SMOC1: variants seen among roughly 807,000 people sequenced by gnomAD.
The protein encoded by SMOC1 is SPARC related modular calcium binding 1.
SMOC1 carries 22 observed loss-of-function variants against 56.3 expected under a neutral mutation model. That is an observed-to-expected ratio of 0.39 (90% CI 0.28 to 0.56). SMOC1 has a LOEUF of 0.56. SMOC1 is among the 20% of genes least tolerant of loss of function. The probability of loss-of-function intolerance (pLI) is 0.61; values close to 1 mark genes in which losing one functional copy is unlikely to be tolerated. For missense variants in SMOC1, 509 were observed against 565.4 expected (o/e 0.90, Z 1.01); for synonymous variants, 193 against 215.0 (o/e 0.90, Z 0.89).
intron 3 of SMOC1, among the ~76,000 whole-genome samples, chr14:69,961,102 C>T (rs930396979): frequency 1.3e-5 from 2 of 151,798 alleles, no homozygotes; most frequent in African/African-American, 4.8e-5. Flanking sequence ...CACTAATCTA[C>T]TTTCTATTTC....
At chr14:69,908,531 G>T (rs920986472) in intron 1 of SMOC1, among the ~76,000 whole-genome samples, 8 of 152,138 alleles carry the variant, frequency 5.3e-5, no homozygotes, top group African/African-American at 1.4e-4. Context: ...GACTCTGGCC[G>T]CAGGACAGCC....
At chr14:69,886,131 C>G (rs967037609) in intron 1 of SMOC1, 1 of 1,515,226 alleles carries the variant, frequency 6.6e-7, no homozygotes, top group Non-Finnish European at 9.0e-7. Context: ...GCCTTCTTTC[C>G]TTTCGGCATC....
chr14:69,930,167 A>ACCCCTGACAGCACCCTTCCCACT (rs60231522), intron 1 of SMOC1, among the ~76,000 whole-genome samples: 4,271 of 136,422 alleles, frequency 0.031, 350 homozygotes, highest in African/African-American at 0.12. Context: ...CAGTGACTGT[A>ACCCCTGACAGCACCCTTCCCACT]CCCCTGACAG....
intron 7 of SMOC1, among the ~76,000 whole-genome samples, chr14:70,000,102 A>G (rs1186024790): frequency 1.3e-5 from 2 of 152,166 alleles, no homozygotes; most frequent in East Asian, 3.9e-4. Context: ...AGTCAACTAC[A>G]GTCTCTGCTT....
At chr14:69,999,966 T>C (rs551735565) in intron 7 of SMOC1, among the ~76,000 whole-genome samples, 2 of 149,710 alleles carry the variant, frequency 1.3e-5, no homozygotes, top group Admixed American at 1.3e-4. Flanking sequence ...GGTGAGTGTG[T>C]CTGCTTTTTA....
At chr14:70,015,887 TTA>T (rs1370509178) in intron 10 of SMOC1, among the ~76,000 whole-genome samples, 4 of 152,112 alleles carry the variant, frequency 2.6e-5, no homozygotes, top group Admixed American at 1.3e-4. Flanking sequence ...CATGAAAGAT[TTA>T]TGTTTTATGT....
chr14:69,933,352 GA>G (rs1416896458), intron 1 of SMOC1, among the ~76,000 whole-genome samples: 2 of 143,846 alleles, frequency 1.4e-5, no homozygotes, highest in Non-Finnish European at 3.1e-5. Context: ...GGCTGTTTCT[GA>G]AAAATGAAAG....
intron 7 of SMOC1, among the ~76,000 whole-genome samples, chr14:69,994,690 C>G (rs931566000): frequency 1.3e-5 from 2 of 152,130 alleles, no homozygotes; most frequent in African/African-American, 4.8e-5. Context: ...TTTCTTAGGT[C>G]GTTGATCCTC....
intron 1 of SMOC1, among the ~76,000 whole-genome samples, chr14:69,907,516 A>T (rs1884442206): frequency 6.6e-6 from 1 of 152,204 alleles, no homozygotes; most frequent in South Asian, 2.1e-4. Context: ...ATCCCACTTT[A>T]TCTTGTAATG....
At chr14:69,953,274 C>G (rs1243366149) in intron 2 of SMOC1, 146 bp from the exon 3 acceptor site, 2 of 733,022 alleles carry the variant, frequency 2.7e-6, no homozygotes, top group Non-Finnish European at 4.9e-6. Context: ...GCAGCAGTTA[C>G]TAGCCACGGC....
At chr14:69,937,294 C>T (rs1885320018) in intron 1 of SMOC1, among the ~76,000 whole-genome samples, 1 of 152,148 alleles carries the variant, frequency 6.6e-6, no homozygotes, top group South Asian at 2.1e-4. Flanking sequence ...GGAAATCTGA[C>T]CTTAAGGGTT....
intron 1 of SMOC1, among the ~76,000 whole-genome samples, chr14:69,926,177 A>G (rs879474765): frequency 5.9e-5 from 9 of 152,200 alleles, no homozygotes; most frequent in Non-Finnish European, 1.5e-5. Context: ...CTTTGTTTGA[A>G]GAACAAGAAG....
chr14:70,012,577 G>A (rs1014924141), intron 9 of SMOC1, among the ~76,000 whole-genome samples: 3 of 152,216 alleles, frequency 2.0e-5, no homozygotes, highest in African/African-American at 4.8e-5. Context: ...AGGATTTGGG[G>A]ACAGAAGAGA....
chr14:69,922,219 G>A (rs976528963), intron 1 of SMOC1, among the ~76,000 whole-genome samples: 20 of 152,236 alleles, frequency 1.3e-4, no homozygotes, highest in Non-Finnish European at 2.6e-4. Context: ...AATACTGCAG[G>A]CTGGGAGGAT....
At chr14:69,938,791 G>A (rs1473936663) in intron 1 of SMOC1, among the ~76,000 whole-genome samples, 1 of 152,230 alleles carries the variant, frequency 6.6e-6, no homozygotes. Context: ...ATGCAGAGCA[G>A]ATCCAGAGGG....
At chr14:69,930,595 G>A (rs1284151073) in intron 1 of SMOC1, among the ~76,000 whole-genome samples, 1 of 152,174 alleles carries the variant, frequency 6.6e-6, no homozygotes, top group South Asian at 2.1e-4. Flanking sequence ...GGTTTTAGGA[G>A]TAGGAGGTCT....
chr14:69,887,139 AG>A lies in SMOC1; in HGVS notation c.99+7363del, dbSNP rs1883831651. ...GAATTCACAGTGTAAAATTATACTC[AG>A]CCAAAACAAGTGAACAACAGTGACA... On this transcript the variant is annotated intron_variant, in intron 1 of 11. Coordinates refer to ENST00000361956, the MANE Select transcript of SMOC1 (RefSeq NM_001034852.3). Among the ~76,000 whole-genome samples the A allele has an allele frequency of 2.6e-5, 4 of 152,234 alleles. No homozygotes were observed. In the South Asian group the frequency reaches 8.3e-4, roughly 32 times the overall value.
chr14:69,947,087 G>GCCGGCCTTCCTT (rs1555360720), intron 1 of SMOC1, among the ~76,000 whole-genome samples: 2 of 143,474 alleles, frequency 1.4e-5, no homozygotes, highest in African/African-American at 5.2e-5. Flanking sequence ...TCTCAGGCCG[G>GCCGGCCTTCCTT]CCTTCCTTCC....
intron 7 of SMOC1, among the ~76,000 whole-genome samples, chr14:69,997,753 T>C (rs1884819357): frequency 6.6e-6 from 1 of 152,246 alleles, no homozygotes; most frequent in Non-Finnish European, 1.5e-5. Context: ...TGATAACTTA[T>C]GTCTGGATAT....
Sources: gnomAD v4.1 joint callset for allele counts (sites outside exome capture counted in the v4.1 genomes callset) on GRCh38, gnomAD v4.1.1 for gene constraint, MANE v1.5 for transcripts, NCBI Gene and HGNC (gene_info 2026-07-23, HGNC 2026-07-21) for gene names.